Variants in RGS6 observed in about 807,000 individuals in gnomAD.
RGS6 encodes regulator of G protein signaling 6, also known as regulator of G-protein signaling 6.
In RGS6, 30 loss-of-function variants were observed where a neutral mutation model predicts 78.5. The observed-to-expected ratio is 0.38, with a 90% CI of 0.29 to 0.52. RGS6 has a LOEUF of 0.52. RGS6 is among the 20% of genes least tolerant of loss of function. The pLI, the probability that RGS6 is intolerant of heterozygous loss-of-function variation, is 0.85. For missense variants in RGS6, 495 were observed against 609.7 expected (o/e 0.81, Z 1.98); for synonymous variants, 206 against 206.0 (o/e 1.00, Z 0.00).
At position 72,566,076 on chromosome 14, in the gene RGS6, C is replaced by T. The variant is rs777691561; in HGVS notation, c.*3609C>T. ...GGCCAGACGAATCACTAATAACTCA[C>T]CATGGGACCCTCTGAAGAGAGGCCT... is the stretch of plus-strand genomic sequence containing the variant. On this transcript the variant is annotated 3_prime_UTR_variant, in exon 18 of 18. Coordinates refer to ENST00000553525, the MANE Select transcript of RGS6 (RefSeq NM_001204424.2). 5.3e-5 allele frequency: 8 copies of T among 152,202 alleles called. No homozygotes were observed. Among genetic ancestry groups the T allele is most frequent in the Non-Finnish European group, 8.8e-5 (6 of 68,054 alleles). The allele number at this position is 152,202 out of a possible 1,614,324, so 9.4% of individuals were successfully genotyped here.
At chr14:72,131,207 A>G (rs907428788) in intron 2 of RGS6, among the ~76,000 whole-genome samples, 16 of 152,128 alleles carry the variant, frequency 1.1e-4, no homozygotes, top group East Asian at 5.8e-4. Context: ...TTTCAACCCA[A>G]TCTTGCTAAA....
chr14:72,507,019 A>AAAAAAAAAAAAAAAAAAAAAAAAC (rs2096814120), intron 13 of RGS6, among the ~76,000 whole-genome samples: 1 of 136,238 alleles, frequency 7.3e-6, no homozygotes. Flanking sequence ...AAAAAAAAAA[A>AAAAAAAAAAAAAAAAAAAAAAAAC]TTAGCTGGCC....
chr14:72,586,167 G>A, the RGS6 span, among the ~76,000 whole-genome samples: 5 of 152,136 alleles, frequency 3.3e-5, no homozygotes, highest in African/African-American at 1.2e-4. Flanking sequence ...GCAGAGCTTA[G>A]TGTTCCCTGA....
chr14:71,943,949 T>G (rs2091064301), intron 1 of RGS6, among the ~76,000 whole-genome samples: 1 of 152,162 alleles, frequency 6.6e-6, no homozygotes, highest in South Asian at 2.1e-4. Context: ...GTTATAGCCT[T>G]CATTCTTATT....
At chr14:72,622,623 A>C in the RGS6 span, among the ~76,000 whole-genome samples, 2 of 152,110 alleles carry the variant, frequency 1.3e-5, no homozygotes, top group African/African-American at 2.4e-5. Context: ...TGCATTTTGC[A>C]TGGGTTGACC....
intron 2 of RGS6, among the ~76,000 whole-genome samples, chr14:72,260,806 T>C (rs1271842032): frequency 1.3e-5 from 2 of 152,188 alleles, no homozygotes; most frequent in Non-Finnish European, 2.9e-5. Context: ...ATTTGATAGA[T>C]GCAAAGTTGC....
the RGS6 span, among the ~76,000 whole-genome samples, chr14:72,577,705 C>T: frequency 1.3e-5 from 2 of 152,192 alleles, no homozygotes; most frequent in African/African-American, 4.8e-5. Flanking sequence ...TGGTGACTTC[C>T]GTGTCCTAAG....
In RGS6 at chr14:72,438,283, G is replaced by A. The variant is rs1254671317; in HGVS notation, c.185-16245G>A. 5.9e-5 allele frequency among the ~76,000 whole-genome samples: 9 copies of A among 152,180 alleles called. No homozygotes were observed. The South Asian group carries it at 6.2e-4, about 11-fold the overall frequency. The stretch of plus-strand genomic sequence containing the variant: ...GCTCACAAGCCAAGGCCTTGGTTCC[G>A]AGCCCCTCTTCTCTCTCTGCATTTT... On this transcript the variant is annotated intron_variant, in intron 3 of 17. Transcript: ENST00000553525.
chr14:72,627,452 T>C, the RGS6 span, among the ~76,000 whole-genome samples: 1 of 152,102 alleles, frequency 6.6e-6, no homozygotes, highest in Non-Finnish European at 1.5e-5. Flanking sequence ...CCCTATACTG[T>C]ATTTCCATAT....
chr14:71,980,868 G>T (rs8011827), intron 2 of RGS6, among the ~76,000 whole-genome samples: 26,042 of 85,760 alleles, frequency 0.3, 3,661 homozygotes, highest in East Asian at 0.42. Flanking sequence ...TTCCAACTTG[G>T]TTCCATTCTC....
At chr14:72,105,580 C>CT (rs546030509) in intron 2 of RGS6, among the ~76,000 whole-genome samples, 70 of 152,064 alleles carry the variant, frequency 4.6e-4, no homozygotes, top group African/African-American at 1.6e-3. Flanking sequence ...ACTACTGCTG[C>CT]TTTTTTTTCT....
At position 72,357,247 on chromosome 14, in the gene RGS6, G is replaced by A. The variant is rs551034994; in HGVS notation, c.184+5053G>A. On this transcript the variant is annotated intron_variant, in intron 3 of 17. Coordinates refer to ENST00000553525, the MANE Select transcript of RGS6 (RefSeq NM_001204424.2). Reference sequence around the variant, plus strand: ...AGATCACACCACTGCATTCCAGTCTGTGAGACCCTGTCTCAGAAAAAAAAA... The same window carrying A: ...AGATCACACCACTGCATTCCAGTCTATGAGACCCTGTCTCAGAAAAAAAAA... Among the ~76,000 whole-genome samples, 10 of 151,378 alleles carry A rather than the reference G, an allele frequency of 6.6e-5. No individual in the cohort carries two copies. In the South Asian group the frequency reaches 1.9e-3, roughly 29 times the overall value.
intron 17 of RGS6, chr14:72,550,491 G>T (rs1447141589): frequency 6.5e-7 from 1 of 1,535,692 alleles, no homozygotes. Flanking sequence ...CGAAAGCCTG[G>T]CCTTAACATC....
intron 2 of RGS6, among the ~76,000 whole-genome samples, chr14:72,149,379 G>A (rs147137563): frequency 6.6e-6 from 1 of 152,238 alleles, no homozygotes; most frequent in East Asian, 1.9e-4. Context: ...TGAAGAATTT[G>A]ACAACATGTT....
chr14:72,295,268 G>A (rs914378314), intron 2 of RGS6, among the ~76,000 whole-genome samples: 6 of 149,604 alleles, frequency 4.0e-5, no homozygotes, highest in African/African-American at 1.2e-4. Context: ...TCCAGCCTGG[G>A]CGACAGAGCG....
intron 2 of RGS6, among the ~76,000 whole-genome samples, chr14:72,234,060 G>T (rs531493284): frequency 6.6e-6 from 1 of 152,086 alleles, no homozygotes; most frequent in African/African-American, 2.4e-5. Context: ...CTGGAGATGG[G>T]GAGAGTCAAA....
upstream of RGS6, among the ~76,000 whole-genome samples, chr14:71,930,309 A>T (rs1175757755): frequency 6.6e-6 from 1 of 152,016 alleles, no homozygotes; most frequent in Non-Finnish European, 1.5e-5. Context: ...AATTTTCTTA[A>T]TGTATTTACT....
Position 72,207,912 on chromosome 14 carries a change from A to T in RGS6, c.85-144183A>T, listed in dbSNP as rs192077910. Among the ~76,000 whole-genome samples, 42 of 152,314 alleles carry T rather than the reference A, an allele frequency of 2.8e-4. 1 individual carries two copies. In the East Asian group the frequency reaches 6.2e-3, roughly 22 times the overall value. ...TAGTACCGACCTCCTGAGATTGTTAATTGGAGGAAGTGAATGAATATCTCT... is the reference window on the plus strand; with the variant it reads ...TAGTACCGACCTCCTGAGATTGTTATTTGGAGGAAGTGAATGAATATCTCT... On this transcript the variant is annotated intron_variant, in intron 2 of 17. Transcript: ENST00000553525.
chr14:72,515,992 G>A (rs2096937842), intron 14 of RGS6: 1 of 152,410 alleles, frequency 6.6e-6, no homozygotes, highest in Non-Finnish European at 1.5e-5. Context: ...GACCCAGAAG[G>A]TTGCTTCCAG....
Sources: allele counts gnomAD v4.1 joint callset (sites outside exome capture counted in the v4.1 genomes callset), GRCh38; gene constraint gnomAD v4.1.1; transcripts MANE v1.5; gene names NCBI Gene and HGNC (gene_info 2026-07-23, HGNC 2026-07-21).